The following RCL1 variants were observed in gnomAD, a reference collection of about 807,000 sequenced individuals.
RCL1 encodes the protein RNA terminal phosphate cyclase like 1.
A neutral mutation model predicts 42.4 loss-of-function variants in RCL1; 24 were observed. That is an observed-to-expected ratio of 0.57 (90% CI 0.41 to 0.80). The LOEUF (loss-of-function observed/expected upper bound fraction) is 0.80, where lower values mean the gene tolerates loss of function less well. Among genes scored for constraint, RCL1 ranks in the 30% least tolerant of loss-of-function variants. RCL1 has a pLI of 0.00. For synonymous variants in RCL1, 228 were observed against 177.3 expected, an observed-to-expected ratio of 1.29 and a Z score of -2.27; for missense variants, 578 against 467.9, an observed-to-expected ratio of 1.24 and a Z score of -2.17.
chr9:4,837,694 G>A (rs994579328), intron 5 of RCL1, among the ~76,000 whole-genome samples: 1 of 152,146 alleles, frequency 6.6e-6, no homozygotes, highest in East Asian at 1.9e-4. Flanking sequence ...TTCCAGGGGA[G>A]AACATAAAAG....
chr9:4,813,683 A>G (rs1816260493), intron 1 of RCL1, among the ~76,000 whole-genome samples: 1 of 152,250 alleles, frequency 6.6e-6, no homozygotes, highest in Non-Finnish European at 1.5e-5. Flanking sequence ...CCATCCCATT[A>G]CTGGGTATAT....
rs1587696600 is a variant in RCL1, at chr9:4,806,368, T to C, written c.136+13141T>C. 5.9e-5 allele frequency among the ~76,000 whole-genome samples: 9 copies of C among 152,260 alleles called. No individual in the cohort carries two copies. In the South Asian group the frequency reaches 1.7e-3, roughly 28 times the overall value. ...ATGTTAGCTATATGTTTTATGTAGA[T>C]TTTAAAAAGTCAAGTTGAGAAAGTA... On this transcript the variant is annotated intron_variant, in intron 1 of 8. Coordinates refer to ENST00000381750, the MANE Select transcript of RCL1 (RefSeq NM_005772.5).
intron 7 of RCL1, among the ~76,000 whole-genome samples, chr9:4,846,516 A>T (rs1223371407): frequency 6.6e-6 from 1 of 152,214 alleles, no homozygotes; most frequent in African/African-American, 2.4e-5. Flanking sequence ...GATGATCAAG[A>T]GGTTGCCCTG....
intron 7 of RCL1, among the ~76,000 whole-genome samples, chr9:4,846,575 C>T (rs947780317): frequency 1.5e-4 from 22 of 151,308 alleles, no homozygotes; most frequent in Non-Finnish European, 3.2e-4. Flanking sequence ...TGTAGGGGGG[C>T]GGGAAACAGT....
intron 1 of RCL1, among the ~76,000 whole-genome samples, chr9:4,822,219 C>G (rs952103289): frequency 6.6e-6 from 1 of 152,148 alleles, no homozygotes; most frequent in Non-Finnish European, 1.5e-5. Context: ...ATCCACTCAC[C>G]CTTTGGGATC....
chr9:4,839,791 G>C (rs954089110), intron 5 of RCL1: 58 of 969,680 alleles, frequency 6.0e-5, no homozygotes, highest in Non-Finnish European at 7.1e-5. Flanking sequence ...TAAAGCCCTT[G>C]CCCTTATAGA....
At chr9:4,842,561 T>G (rs1490854990) in intron 6 of RCL1, among the ~76,000 whole-genome samples, 2 of 152,228 alleles carry the variant, frequency 1.3e-5, no homozygotes, top group African/African-American at 4.8e-5. Flanking sequence ...TGGTTTATAT[T>G]CTAGTAACAA....
chr9:4,859,984 A>G (rs1818107423), intron 8 of RCL1, 141 bp from the exon 9 acceptor site: 9 of 559,636 alleles, frequency 1.6e-5, no homozygotes, highest in East Asian at 9.2e-5. Context: ...AGGAAGTACT[A>G]TTTAATCAGA....
intron 1 of RCL1, among the ~76,000 whole-genome samples, chr9:4,806,865 A>G (rs1187929060): frequency 6.6e-6 from 1 of 152,142 alleles, no homozygotes; most frequent in Non-Finnish European, 1.5e-5. Flanking sequence ...AGAATTTCAT[A>G]TGGGCCAAGA....
intron 3 of RCL1, among the ~76,000 whole-genome samples, chr9:4,828,135 G>A (rs1481082655): frequency 7.0e-6 from 1 of 143,436 alleles, no homozygotes; most frequent in Non-Finnish European, 1.5e-5. Context: ...GCAGTGAGCC[G>A]AGATCGGGCA....
Position 4,831,898 on chromosome 9 carries a change from G to A in RCL1, c.385-1256G>A, listed in dbSNP as rs140768870. ...CTTGAGCCCCTTGCCTTAGAGATAA[G>A]GAAATTCAGATAGTTGTGATTTTCT... On this transcript the variant is annotated intron_variant, in intron 3 of 8. Transcript: ENST00000381750. 2.8e-4 allele frequency among the ~76,000 whole-genome samples: 42 copies of A among 152,298 alleles called. 2 individuals are homozygous for A. In the East Asian group the frequency reaches 8.1e-3, roughly 29 times the overall value.
intron 3 of RCL1, 35 bp downstream of exon 3, chr9:4,827,068 G>T: frequency 6.2e-7 from 1 of 1,613,720 alleles, no homozygotes; most frequent in South Asian, 1.1e-5. Context: ...TGTGGTTTTT[G>T]TTTTGTCTCT....
chr9:4,828,808 T>G (rs1202138211), intron 3 of RCL1, among the ~76,000 whole-genome samples: 2 of 152,234 alleles, frequency 1.3e-5, no homozygotes, highest in Non-Finnish European at 2.9e-5. Flanking sequence ...GTTGATGAAT[T>G]TCTCAGAAAT....
intron 5 of RCL1, among the ~76,000 whole-genome samples, chr9:4,835,222 A>C (rs184423563): frequency 1.3e-5 from 2 of 152,362 alleles, no homozygotes; most frequent in East Asian, 3.9e-4. Flanking sequence ...TGCAGAACGC[A>C]AAGAAAGGAG....
chr9:4,831,941 C>G (rs1434462695), intron 3 of RCL1, among the ~76,000 whole-genome samples: 5 of 152,180 alleles, frequency 3.3e-5, no homozygotes, highest in Admixed American at 6.5e-5. Flanking sequence ...GGCAACATAG[C>G]TAATTAGAAG....
At chr9:4,850,443 G>A (rs990734743) in intron 8 of RCL1, 1 of 335,038 alleles carries the variant, frequency 3.0e-6, no homozygotes, top group African/African-American at 2.1e-5. Context: ...GGCGTTGGGG[G>A]CATGAAAACC....
intron 7 of RCL1, among the ~76,000 whole-genome samples, chr9:4,845,834 C>T (rs1817492431): frequency 6.6e-6 from 1 of 152,184 alleles, no homozygotes; most frequent in Admixed American, 6.5e-5. Context: ...TCTCTTCTTC[C>T]CCTAAGGAGC....
intron 1 of RCL1, among the ~76,000 whole-genome samples, chr9:4,812,592 C>T (rs1587701970): frequency 6.6e-6 from 1 of 151,954 alleles, no homozygotes; most frequent in African/African-American, 2.4e-5. Flanking sequence ...TTGCTTTGTT[C>T]TTTTTTCTCA....
In RCL1 at chr9:4,793,189, G is replaced by T. The variant is rs1842857731; in HGVS notation, c.98G>T (p.Arg33Leu). The part of the protein sequence containing the change: ...STLSGRPVKI[R>L]KIRARDDNPG... ...CTGAGCGGGCGCCCCGTCAAAATCC[G>T]AAAGATTCGGGCCAGAGACGACAAC... Residue 33 changes from arginine (R) to leucine (L), a missense_variant, in exon 1 of 9, where the codon CGA (arginine) becomes CTA (leucine). By Grantham distance (102) the Arg-to-Leu change is moderately radical. Coordinates refer to ENST00000381750, the MANE Select transcript of RCL1 (RefSeq NM_005772.5). 1.9e-6 allele frequency: 3 copies of T among 1,609,232 alleles called. No homozygotes were observed. In the African/African-American group the frequency reaches 4.0e-5, roughly 22 times the overall value.
Sources: allele counts gnomAD v4.1 joint callset (sites outside exome capture counted in the v4.1 genomes callset), GRCh38; gene constraint gnomAD v4.1.1; transcripts MANE v1.5; gene names NCBI Gene and HGNC (gene_info 2026-07-23, HGNC 2026-07-21).